Variants in TCF4 observed in about 807,000 individuals in gnomAD.
TCF4 encodes transcription factor 4.
A neutral mutation model predicts 82.1 loss-of-function variants in TCF4; 3 were observed. That is an observed-to-expected ratio of 0.04 (90% CI 0.02 to 0.09). The LOEUF is 0.09. Ranked by LOEUF, TCF4 falls within the 10% of genes least tolerant of loss-of-function variation. The pLI is 1.00. For synonymous variants in TCF4, 276 were observed against 309.6 expected (o/e 0.89, Z 1.14); for missense variants, 518 against 852.7 (o/e 0.61, Z 4.89).
chr18:55,265,304 C>T (rs993935135), intron 11 of TCF4: 1 of 152,148 alleles, frequency 6.6e-6, no homozygotes, highest in Non-Finnish European at 1.5e-5. Flanking sequence ...GAGTGACCCT[C>T]GTGTTATTAA....
At chr18:55,229,475 T>G in intron 17 of TCF4, 1 of 206,684 alleles carries the variant, frequency 4.8e-6, no homozygotes, top group East Asian at 1.2e-4. Flanking sequence ...AAAGACTTTA[T>G]GTTTATACTT....
At chr18:55,299,674 A>G (rs753551815) in intron 8 of TCF4, among the ~76,000 whole-genome samples, 2 of 152,148 alleles carry the variant, frequency 1.3e-5, no homozygotes, top group African/African-American at 2.4e-5. Context: ...ATTTGAAAGC[A>G]TTATAGAAAG....
chr18:55,316,471 T>C (rs1453970664), intron 8 of TCF4, among the ~76,000 whole-genome samples: 2 of 152,078 alleles, frequency 1.3e-5, no homozygotes, highest in South Asian at 4.1e-4. Flanking sequence ...TCAAGTAGGC[T>C]TGGAAACACA....
At chr18:55,426,932 A>G (rs1383881904) in intron 5 of TCF4, among the ~76,000 whole-genome samples, 1 of 152,170 alleles carries the variant, frequency 6.6e-6, no homozygotes, top group Non-Finnish European at 1.5e-5. Flanking sequence ...AAATTCCAGT[A>G]ACAATGTTCT....
rs553104539 is a variant in TCF4 at position 55,627,977 on chromosome 18, G to A, written c.286+3321C>T. Among the ~76,000 whole-genome samples, 313 of 151,544 alleles carry A rather than the reference G, an allele frequency of 2.1e-3. 1 individual carries two copies. The highest frequency in any genetic ancestry group is 6.9e-3 in the Middle Eastern group (2 of 288). On this transcript the variant is annotated intron_variant, in intron 2 of 20. Coordinates refer to the TCF4 transcript ENST00000398339. ...CGGGAGACTGAGGGAGAAGAATGGC[G>A]TGAACCCGGGAGGCGGAGCTTGCAG...
chr18:55,607,929 T>C lies in TCF4; in HGVS notation c.287-20793A>G, dbSNP rs144341812. Among the ~76,000 whole-genome samples the C allele has an allele frequency of 5.3e-5, 8 of 152,314 alleles. 1 individual carries two copies. In the East Asian group the frequency reaches 1.4e-3, roughly 26 times the overall value. On this transcript the variant is annotated intron_variant, in intron 2 of 20. Coordinates refer to the TCF4 transcript ENST00000398339. Reference sequence around the variant, plus strand: ...TTTCACTAGACAAATACAATTTCCCTGCCCAGCTTTTCATTCAAGTGGTGA... The same window carrying C: ...TTTCACTAGACAAATACAATTTCCCCGCCCAGCTTTTCATTCAAGTGGTGA...
At chr18:55,622,459 C>T (rs549797061) in intron 2 of TCF4, among the ~76,000 whole-genome samples, 2 of 143,930 alleles carry the variant, frequency 1.4e-5, no homozygotes, top group Admixed American at 7.1e-5. Context: ...GAGCCGAGAT[C>T]ACATCACTGC....
chr18:55,516,429 C>T (rs1252665873), intron 3 of TCF4, among the ~76,000 whole-genome samples: 1 of 151,860 alleles, frequency 6.6e-6, no homozygotes, highest in Non-Finnish European at 1.5e-5. Flanking sequence ...AAAGCTACAG[C>T]TTCCCATTAG....
At position 55,261,450 on chromosome 18, in the gene TCF4, G is replaced by T. The variant is rs894239630; in HGVS notation, c.990+16C>A. On this transcript the variant is annotated intron_variant, in intron 12 of 19. Transcript: ENST00000354452. ...TACAATGGTACATATGGAGTCCAAAGTCAATATTTCCTCACCGAAGCAAGT... is the reference window on the plus strand; with the variant it reads ...TACAATGGTACATATGGAGTCCAAATTCAATATTTCCTCACCGAAGCAAGT... The T allele has an allele frequency of 1.2e-6, 2 of 1,613,620 alleles. No homozygotes were observed. Among genetic ancestry groups the T allele is most frequent in the Non-Finnish European group, 1.7e-6 (2 of 1,179,716 alleles).
chr18:55,280,579 C>G (rs1568661402), intron 8 of TCF4, among the ~76,000 whole-genome samples: 1 of 151,914 alleles, frequency 6.6e-6, no homozygotes. Flanking sequence ...TCTCAAAGTT[C>G]CTCTCTCCAG....
At chr18:55,496,604 T>C (rs1010876027) in intron 3 of TCF4, among the ~76,000 whole-genome samples, 2 of 152,126 alleles carry the variant, frequency 1.3e-5, no homozygotes, top group South Asian at 2.1e-4. Flanking sequence ...CTTATTATTA[T>C]AGACATTTGT....
chr18:55,265,746 C>T (rs1357873346), intron 11 of TCF4: 1 of 152,154 alleles, frequency 6.6e-6, no homozygotes, highest in Non-Finnish European at 1.5e-5. Flanking sequence ...AATGTTTCTA[C>T]TAGACAAGCC....
intron 6 of TCF4, among the ~76,000 whole-genome samples, chr18:55,372,216 G>T (rs1008217495): frequency 1.3e-5 from 2 of 152,118 alleles, no homozygotes; most frequent in Admixed American, 6.6e-5. Flanking sequence ...AAATAAGGAA[G>T]AGTAGCTTCG....
At chr18:55,305,957 T>A (rs753062067) in intron 8 of TCF4, among the ~76,000 whole-genome samples, 1 of 152,144 alleles carries the variant, frequency 6.6e-6, no homozygotes, top group African/African-American at 2.4e-5. Flanking sequence ...AAGAATGAAT[T>A]TAGGAGCAAC....
intron 7 of TCF4, 78 bp from the exon 8 acceptor site, chr18:55,350,486 T>C (rs2082108532): frequency 2.8e-6 from 4 of 1,417,152 alleles, no homozygotes; most frequent in Admixed American, 1.7e-5. Context: ...CAAAGACTTC[T>C]AGATGATACC....
chr18:55,522,942 C>T (rs1176353345), intron 3 of TCF4, among the ~76,000 whole-genome samples: 5 of 151,964 alleles, frequency 3.3e-5, no homozygotes, highest in Non-Finnish European at 5.9e-5. Context: ...CTGAGAAATT[C>T]CTAAAATATC....
chr18:55,472,933 AAAC>A (rs1329834763), intron 3 of TCF4, among the ~76,000 whole-genome samples: 1 of 152,228 alleles, frequency 6.6e-6, no homozygotes, highest in East Asian at 1.9e-4. Flanking sequence ...ACAAAGTGTT[AAAC>A]AACTAAGGAA....
intron 6 of TCF4, among the ~76,000 whole-genome samples, chr18:55,377,001 G>A (rs1458918935): frequency 6.6e-6 from 1 of 152,120 alleles, no homozygotes; most frequent in Non-Finnish European, 1.5e-5. Flanking sequence ...AATAATGGCT[G>A]AGGCACTAAA....
intron 8 of TCF4, among the ~76,000 whole-genome samples, chr18:55,315,818 C>T (rs1450757065): frequency 2.6e-5 from 4 of 152,060 alleles, no homozygotes; most frequent in Non-Finnish European, 4.4e-5. Context: ...ATACAAGTAT[C>T]TTTTCCACTT....
Sources: allele counts gnomAD v4.1 joint callset (sites outside exome capture counted in the v4.1 genomes callset), GRCh38; gene constraint gnomAD v4.1.1; transcripts MANE v1.5; gene names NCBI Gene and HGNC (gene_info 2026-07-23, HGNC 2026-07-21).